Variants in RNF216 observed in about 807,000 individuals in gnomAD.
RNF216 encodes ring finger protein 216.
A neutral mutation model predicts 110.8 loss-of-function variants in RNF216; 72 were observed. The observed-to-expected ratio is 0.65, with a 90% CI of 0.54 to 0.79. The LOEUF (loss-of-function observed/expected upper bound fraction) is 0.79. Among genes scored for constraint, RNF216 ranks in the 30% least tolerant of loss-of-function variants. The pLI, the probability that RNF216 is intolerant of heterozygous loss-of-function variation, is 0.00. For missense variants in RNF216, 1,342 were observed against 1,141.2 expected (o/e 1.18, Z -2.54); for synonymous variants, 495 against 407.5 (o/e 1.21, Z -2.59).
intron 8 of RNF216, among the ~76,000 whole-genome samples, chr7:5,722,834 C>G (rs1328141167): frequency 6.7e-6 from 1 of 149,800 alleles, no homozygotes; most frequent in South Asian, 2.1e-4. Flanking sequence ...CCAACCTGTC[C>G]AACATGGTGA....
chr7:5,740,877 C>G, intron 4 of RNF216, 96 bp downstream of exon 4: 1 of 1,180,272 alleles, frequency 8.5e-7, no homozygotes, highest in Non-Finnish European at 1.2e-6. Flanking sequence ...ATGAAGTCCA[C>G]GCATACCAAC....
chr7:5,625,631 AG>A (rs1280389035), intron 15 of RNF216, among the ~76,000 whole-genome samples: 1 of 152,266 alleles, frequency 6.6e-6, no homozygotes, highest in East Asian at 1.9e-4. Context: ...GTGAACCGCA[AG>A]GATTCTGGAG....
At chr7:5,706,871 A>G (rs2345939) in intron 13 of RNF216, among the ~76,000 whole-genome samples, 3,792 of 152,204 alleles carry the variant, frequency 0.025, 73 homozygotes, top group East Asian at 0.039. Flanking sequence ...CTTTCCACCT[A>G]CGTTTTCTTC....
At chr7:5,649,085 A>T (rs1007146656) in intron 14 of RNF216, among the ~76,000 whole-genome samples, 3 of 152,206 alleles carry the variant, frequency 2.0e-5, no homozygotes, top group Non-Finnish European at 4.4e-5. Flanking sequence ...GTTTAAAAAC[A>T]AGAAAGTGAC....
intron 1 of RNF216, among the ~76,000 whole-genome samples, chr7:5,773,476 C>T (rs1321355436): frequency 6.6e-6 from 1 of 152,054 alleles, no homozygotes; most frequent in Non-Finnish European, 1.5e-5. Flanking sequence ...CTCCTGACCT[C>T]GTGATTTCCC....
intron 15 of RNF216, among the ~76,000 whole-genome samples, chr7:5,631,348 A>T (rs1787058924): frequency 6.6e-6 from 1 of 152,080 alleles, no homozygotes; most frequent in South Asian, 2.1e-4. Context: ...CCAGAGTGGG[A>T]GTGGGGAGCT....
intron 13 of RNF216, among the ~76,000 whole-genome samples, chr7:5,653,925 G>GA (rs1294294544): frequency 1.3e-5 from 2 of 152,246 alleles, no homozygotes; most frequent in Non-Finnish European, 2.9e-5. Context: ...CATGGCCCTG[G>GA]AGGCCTGCAC....
intron 13 of RNF216, among the ~76,000 whole-genome samples, chr7:5,659,346 G>C (rs1788952572): frequency 6.6e-6 from 1 of 152,204 alleles, no homozygotes; most frequent in Non-Finnish European, 1.5e-5. Flanking sequence ...CCTAGTCAGA[G>C]GATGCGACAT....
At position 5,721,092 on chromosome 7, in the gene RNF216, G is replaced by C; in HGVS notation, c.1585C>G (p.Leu529Val). 1.2e-6 allele frequency: 2 copies of C among 1,614,116 alleles called. No individual in the cohort carries two copies. Among genetic ancestry groups the C allele is most frequent in the Non-Finnish European group, 1.7e-6 (2 of 1,179,964 alleles). ...HCRSYDRRAL[L>V]PAVQQEQEFY... Reference sequence around the variant, plus strand: ...TCCTGCTCTTGTTGCACAGCTGGAAGGAGAGCACGTCGGTCATAGGACCTA... The same window carrying C: ...TCCTGCTCTTGTTGCACAGCTGGAACGAGAGCACGTCGGTCATAGGACCTA... The change falls in exon 9 of 17, where the codon CTT (leucine) becomes GTT (valine). Residue 529 changes from leucine (L) to valine (V), a missense_variant. Coordinates refer to ENST00000389902, the MANE Select transcript of RNF216 (RefSeq NM_207111.4).
intron 14 of RNF216, among the ~76,000 whole-genome samples, chr7:5,645,124 A>G (rs1787978128): frequency 6.6e-6 from 1 of 151,878 alleles, no homozygotes; most frequent in Non-Finnish European, 1.5e-5. Context: ...CTGTTTGCCT[A>G]TTTTCTGATT....
chr7:5,755,660 C>T lies in RNF216; in HGVS notation c.68-2681G>A, dbSNP rs879714127. Among the ~76,000 whole-genome samples, 38 of 152,180 alleles carry T rather than the reference C, an allele frequency of 2.5e-4. 1 individual carries two copies. The highest frequency in any genetic ancestry group is 1.2e-4 in the Non-Finnish European group (8 of 68,030). ...GTTATAATTCTTTCTTGTATATAAT[C>T]CACTATATGAATATAACATAAAATT... On this transcript the variant is annotated intron_variant, in intron 2 of 16. Transcript: ENST00000389902.
Position 5,680,398 on chromosome 7 carries a change from A to G in RNF216, c.2062-27888T>C, listed in dbSNP as rs1479527900. 2 of 152,066 alleles carry G rather than the reference A, an allele frequency of 1.3e-5. No individual in the cohort carries two copies. The highest frequency in any genetic ancestry group is 4.8e-5 in the African/African-American group (2 of 41,378). 9.4% of individuals were successfully genotyped at this position (152,066 alleles called of 1,614,324 possible). A position where few individuals can be genotyped will look rare whatever the true frequency, so the allele number is the denominator to read the frequency against. ...GGCTTGTCAGCTCACTGGTTACTCA[A>G]CACTTCTTTTTTTGTTGTTGTTGAG... is the stretch of plus-strand genomic sequence containing the variant. On this transcript the variant is annotated intron_variant, in intron 13 of 16. Transcript: ENST00000389902. The surrounding 1 kb of genome is among the most constrained non-coding windows in gnomAD (Gnocchi z 4.3).
At chr7:5,706,638 T>C (rs912771067) in intron 13 of RNF216, among the ~76,000 whole-genome samples, 2 of 152,232 alleles carry the variant, frequency 1.3e-5, no homozygotes, top group African/African-American at 2.4e-5. Context: ...CAGTAAGTGG[T>C]TTCCATCTTG....
At chr7:5,670,389 T>C (rs1258294262) in intron 13 of RNF216, among the ~76,000 whole-genome samples, 1 of 152,144 alleles carries the variant, frequency 6.6e-6, no homozygotes, top group Non-Finnish European at 1.5e-5. Context: ...CTGATGTGCA[T>C]AGAGGGGCTG....
chr7:5,720,268 C>T (rs1009752090), intron 9 of RNF216, among the ~76,000 whole-genome samples: 2 of 152,206 alleles, frequency 1.3e-5, no homozygotes, highest in Admixed American at 6.5e-5. Context: ...CAACACACCC[C>T]TCCTCCTCAG....
At chr7:5,668,364 T>C (rs1236341579) in intron 13 of RNF216, among the ~76,000 whole-genome samples, 3 of 152,042 alleles carry the variant, frequency 2.0e-5, no homozygotes, top group South Asian at 4.2e-4. Flanking sequence ...GTTGGGACTA[T>C]AGGCACCCAC....
intron 2 of RNF216, 33 bp downstream of exon 2, chr7:5,760,970 G>C (rs1187769241): frequency 6.6e-7 from 1 of 1,509,304 alleles, no homozygotes; most frequent in Admixed American, 1.9e-5. Context: ...AAAAGCCACA[G>C]GGAAAGGGAT....
At chr7:5,729,408 C>T (rs1793953144) in intron 7 of RNF216, 24 bp downstream of exon 7, 2 of 1,612,410 alleles carry the variant, frequency 1.2e-6, no homozygotes, top group South Asian at 2.2e-5. Flanking sequence ...GGTGTGACCC[C>T]AACAGGAAGA....
chr7:5,691,606 T>C (rs1323854338), intron 13 of RNF216, among the ~76,000 whole-genome samples: 1 of 152,184 alleles, frequency 6.6e-6, no homozygotes, highest in Non-Finnish European at 1.5e-5. Context: ...AATGCCCAGC[T>C]TCTCCTTAGG....
Sources: gnomAD v4.1 joint callset for allele counts (sites outside exome capture counted in the v4.1 genomes callset) on GRCh38, gnomAD v4.1.1 for gene constraint, Gnocchi (gnomAD v3.1) non-coding constraint, MANE v1.5 for transcripts, NCBI Gene and HGNC (gene_info 2026-07-23, HGNC 2026-07-21) for gene names.